TASP1: variants seen among roughly 807,000 people sequenced by gnomAD.
The protein encoded by TASP1 is taspase 1.
In TASP1, 16 loss-of-function variants were observed where a neutral mutation model predicts 56.6. That is an observed-to-expected ratio of 0.28 (90% confidence interval 0.19 to 0.43). TASP1 has a LOEUF of 0.43. TASP1 is among the 20% of genes least tolerant of loss of function. The pLI, the probability that TASP1 is intolerant of heterozygous loss-of-function variation, is 1.00. For synonymous variants in TASP1, 179 were observed against 184.2 expected (o/e 0.97, Z 0.23); for missense variants, 393 against 511.6 (o/e 0.77, Z 2.24).
chr20:13,557,819 C>T (rs962569989), intron 8 of TASP1, among the ~76,000 whole-genome samples: 1 of 151,920 alleles, frequency 6.6e-6, no homozygotes. Flanking sequence ...AATCCACCCA[C>T]CTCAGCCTCC....
the TASP1 span, among the ~76,000 whole-genome samples, chr20:13,269,027 C>T: frequency 3.3e-5 from 5 of 152,158 alleles, no homozygotes; most frequent in East Asian, 1.9e-4. Flanking sequence ...TGACCTTGGG[C>T]GCTCAGAGTC....
downstream of TASP1, among the ~76,000 whole-genome samples, chr20:13,385,085 A>G (rs1019133413): frequency 6.6e-6 from 1 of 152,256 alleles, no homozygotes; most frequent in African/African-American, 2.4e-5. Context: ...TATGTTATGA[A>G]CAGCCAGACT....
the TASP1 span, among the ~76,000 whole-genome samples, chr20:13,220,233 G>A: frequency 3.3e-5 from 5 of 152,238 alleles, no homozygotes; most frequent in Non-Finnish European, 4.4e-5. Context: ...CCGCTACTCC[G>A]AGTCACTTCG....
chr20:13,339,533 T>C, the TASP1 span, among the ~76,000 whole-genome samples: 1 of 152,214 alleles, frequency 6.6e-6, no homozygotes, highest in Non-Finnish European at 1.5e-5. Flanking sequence ...TCATATCTCA[T>C]CCTTACCAAA....
chr20:13,597,621 C>G (rs1368564103), intron 4 of TASP1, among the ~76,000 whole-genome samples: 1 of 152,172 alleles, frequency 6.6e-6, no homozygotes, highest in East Asian at 1.9e-4. Context: ...AAAACTGGCA[C>G]AAGACAAGCA....
At chr20:13,444,793 G>A (rs1333304306) in intron 11 of TASP1, among the ~76,000 whole-genome samples, 1 of 152,166 alleles carries the variant, frequency 6.6e-6, no homozygotes, top group East Asian at 1.9e-4. Flanking sequence ...TTAGGCATAT[G>A]GAGGTAAATG....
At chr20:13,514,168 A>T (rs1202214683) in intron 10 of TASP1, among the ~76,000 whole-genome samples, 1 of 152,156 alleles carries the variant, frequency 6.6e-6, no homozygotes, top group African/African-American at 2.4e-5. Flanking sequence ...ATCTGAGAAC[A>T]CATCACTACA....
intron 13 of TASP1, chr20:13,393,561 G>T: frequency 1.2e-6 from 1 of 833,468 alleles, no homozygotes; most frequent in Non-Finnish European, 2.1e-6. Flanking sequence ...CCATGCTGGG[G>T]CTGGCAATGC....
the TASP1 span, among the ~76,000 whole-genome samples, chr20:13,214,770 A>C: frequency 1.3e-5 from 2 of 152,164 alleles, no homozygotes; most frequent in Non-Finnish European, 2.9e-5. Context: ...TGGTGAGAAA[A>C]CTGTGGTCAT....
intron 11 of TASP1, among the ~76,000 whole-genome samples, chr20:13,479,582 C>A (rs6042155): frequency 1.3e-3 from 199 of 152,144 alleles, no homozygotes; most frequent in African/African-American, 4.1e-3. Flanking sequence ...CCTACCTCAG[C>A]CTCCCAAGTT....
intron 11 of TASP1, among the ~76,000 whole-genome samples, chr20:13,436,074 T>A (rs1033986048): frequency 1.3e-5 from 2 of 152,164 alleles, no homozygotes; most frequent in East Asian, 3.9e-4. Context: ...AAGTGGTTGC[T>A]CACCTAGCAA....
chr20:13,388,218 A>C (rs954347405), downstream of TASP1, among the ~76,000 whole-genome samples: 1 of 152,194 alleles, frequency 6.6e-6, no homozygotes, highest in African/African-American at 2.4e-5. Flanking sequence ...ATCTGTTTCT[A>C]CTTTTTCTAC....
intron 13 of TASP1, among the ~76,000 whole-genome samples, chr20:13,394,429 T>G (rs1289599511): frequency 6.6e-6 from 1 of 150,600 alleles, no homozygotes; most frequent in Non-Finnish European, 1.5e-5. Context: ...GCTAACATGG[T>G]GAAACCCCGT....
intron 4 of TASP1, chr20:13,617,236 G>C (rs1032725602): frequency 1.8e-5 from 4 of 226,256 alleles, no homozygotes; most frequent in Non-Finnish European, 2.7e-5. Flanking sequence ...AGGCAAAATA[G>C]GGTCTTTGAA....
chr20:13,574,070 T>C (rs149427687), intron 6 of TASP1, among the ~76,000 whole-genome samples: 64 of 151,676 alleles, frequency 4.2e-4, no homozygotes, highest in African/African-American at 1.5e-3. Flanking sequence ...GATCAGTGAA[T>C]GTGTAAGAAG....
chr20:13,450,125 C>G (rs943445760), intron 11 of TASP1, among the ~76,000 whole-genome samples: 1 of 152,118 alleles, frequency 6.6e-6, no homozygotes, highest in African/African-American at 2.4e-5. Flanking sequence ...AATTTACTAA[C>G]TGTATAGCAG....
chr20:13,192,731 G>GT, the TASP1 span, among the ~76,000 whole-genome samples: 709 of 141,014 alleles, frequency 5.0e-3, 3 homozygotes, highest in South Asian at 0.012. Context: ...TTTTGTTTTT[G>GT]TTTTTTTTTT....
chr20:13,248,458 T>C, the TASP1 span, among the ~76,000 whole-genome samples: 729 of 152,308 alleles, frequency 4.8e-3, 3 homozygotes, highest in African/African-American at 0.017. Flanking sequence ...TTGCCTGACA[T>C]ACTGCTTCAA....
At chr20:13,298,758 G>T in the TASP1 span, among the ~76,000 whole-genome samples, 4 of 152,162 alleles carry the variant, frequency 2.6e-5, no homozygotes, top group African/African-American at 9.7e-5. Context: ...ATCCACTTCT[G>T]ATGGTGCCAG....
Sources: gnomAD v4.1 joint callset for allele counts (sites outside exome capture counted in the v4.1 genomes callset) on GRCh38, gnomAD v4.1.1 for gene constraint, MANE v1.5 for transcripts, NCBI Gene and HGNC (gene_info 2026-07-23, HGNC 2026-07-21) for gene names.